Variants in EMP2 observed in about 807,000 individuals in gnomAD.
EMP2 encodes epithelial membrane protein 2.
EMP2 carries 19 observed loss-of-function variants against 13.7 expected under a neutral mutation model. That is an observed-to-expected ratio of 1.38 (90% confidence interval 0.97 to 2.03). The LOEUF is 2.03. EMP2 is among the 30% of genes most tolerant of loss of function. The pLI is 0.00. For missense variants in EMP2, 253 were observed against 220.7 expected (o/e 1.15, Z -0.93); for synonymous variants, 97 against 84.7 (o/e 1.15, Z -0.80).
chr16:10,541,501 C>T (rs1182271073), intron 3 of EMP2, among the ~76,000 whole-genome samples: 5 of 152,116 alleles, frequency 3.3e-5, no homozygotes, highest in African/African-American at 1.2e-4. Flanking sequence ...ATTTGGCCAG[C>T]GGTTCGCCAA....
intron 3 of EMP2, among the ~76,000 whole-genome samples, chr16:10,539,114 G>A (rs2050674189): frequency 6.6e-6 from 1 of 152,180 alleles, no homozygotes; most frequent in Non-Finnish European, 1.5e-5. Context: ...GGTTTGGAGG[G>A]TGCAGGCAAG....
chr16:10,568,029 C>T (rs1331973245), intron 1 of EMP2, among the ~76,000 whole-genome samples: 2 of 152,154 alleles, frequency 1.3e-5, no homozygotes, highest in Non-Finnish European at 2.9e-5. Flanking sequence ...TCAGGAAGCC[C>T]AGAGCTATAG....
At chr16:10,574,356 G>C (rs1448317905) in intron 1 of EMP2, among the ~76,000 whole-genome samples, 1 of 151,842 alleles carries the variant, frequency 6.6e-6, no homozygotes, top group Non-Finnish European at 1.5e-5. Context: ...TTCCAATAAT[G>C]CTCCGTGAGC....
chr16:10,538,713 G>C (rs2050670125), intron 3 of EMP2, among the ~76,000 whole-genome samples: 1 of 152,186 alleles, frequency 6.6e-6, no homozygotes, highest in African/African-American at 2.4e-5. Context: ...CATGGGGGCA[G>C]GTCACAGTGA....
intron 3 of EMP2, among the ~76,000 whole-genome samples, chr16:10,539,799 G>A (rs1334519298): frequency 5.3e-5 from 8 of 152,122 alleles, no homozygotes; most frequent in Non-Finnish European, 8.8e-5. Flanking sequence ...GAGCGGGCAC[G>A]AGGGCTTCGT....
chr16:10,545,386 C>G (rs2050731871), intron 2 of EMP2: 1 of 152,266 alleles, frequency 6.6e-6, no homozygotes. Flanking sequence ...CTGTTAGGAA[C>G]CAGGCCACGC....
rs1194318809 is a variant in EMP2, at chr16:10,547,734, AT to A, written c.-60-58del. 3.9e-6 allele frequency: 4 copies of A among 1,026,324 alleles called. No individual in the cohort carries two copies. The African/African-American group carries it at 6.5e-5, about 17-fold the overall frequency. 63.6% of individuals were successfully genotyped at this position (1,026,324 alleles called of 1,614,324 possible). The stretch of plus-strand genomic sequence containing the variant: ...CTGTCAATGACAAAACAAAATTACA[AT>A]AAAAAATAAACACCTTTTAGCTGGG... On this transcript the variant is annotated intron_variant, in intron 1 of 4. Coordinates refer to ENST00000359543, the MANE Select transcript of EMP2 (RefSeq NM_001424.6).
At chr16:10,551,672 G>T (rs2050789322) in intron 1 of EMP2, among the ~76,000 whole-genome samples, 1 of 152,202 alleles carries the variant, frequency 6.6e-6, no homozygotes, top group Non-Finnish European at 1.5e-5. Flanking sequence ...CTCCCGAAGT[G>T]CTGGGATTAC....
intron 1 of EMP2, among the ~76,000 whole-genome samples, chr16:10,550,390 T>A (rs2050777851): frequency 6.6e-6 from 1 of 152,246 alleles, no homozygotes; most frequent in Non-Finnish European, 1.5e-5. Flanking sequence ...TCCCCTTTAA[T>A]CTGGAATACT....
At chr16:10,543,508 C>G (rs1021603271) in intron 3 of EMP2, 62 bp downstream of exon 3, 38 of 1,579,080 alleles carry the variant, frequency 2.4e-5, no homozygotes, top group Non-Finnish European at 1.7e-6. Flanking sequence ...CCCGAAGCCT[C>G]ACTCCTGACC....
At chr16:10,554,251 C>A (rs972809936) in intron 1 of EMP2, among the ~76,000 whole-genome samples, 5 of 152,144 alleles carry the variant, frequency 3.3e-5, no homozygotes, top group African/African-American at 1.2e-4. Flanking sequence ...AGGCTGGTCT[C>A]GACCTCCTAA....
chr16:10,555,314 T>C (rs1187026364), intron 1 of EMP2, among the ~76,000 whole-genome samples: 2 of 152,212 alleles, frequency 1.3e-5, no homozygotes, highest in Non-Finnish European at 2.9e-5. Flanking sequence ...ACTGCTTTTT[T>C]CCTTCTTCAA....
At chr16:10,543,260 A>G (rs921767286) in intron 3 of EMP2, among the ~76,000 whole-genome samples, 1 of 152,272 alleles carries the variant, frequency 6.6e-6, no homozygotes, top group Non-Finnish European at 1.5e-5. Flanking sequence ...AGAAAATTCT[A>G]GATGAGAGCT....
chr16:10,552,460 A>T (rs1242137169), intron 1 of EMP2, among the ~76,000 whole-genome samples: 2 of 152,222 alleles, frequency 1.3e-5, no homozygotes, highest in African/African-American at 2.4e-5. Flanking sequence ...ATGGTGAAAA[A>T]GTTCCCATTC....
chr16:10,576,923 C>G (rs2050987851), intron 1 of EMP2: 1 of 152,382 alleles, frequency 6.6e-6, no homozygotes, highest in African/African-American at 2.4e-5. Context: ...CGGGAGCGAC[C>G]CAGTGCTCAG....
chr16:10,575,237 C>CTTTTTTTTTTTTTTTTTTTTTT lies in EMP2; in HGVS notation c.-61+5290_-61+5311dup, dbSNP rs761837614. On this transcript the variant is annotated intron_variant, in intron 1 of 4. Transcript: ENST00000359543. Reference sequence around the variant, plus strand: ...TGGCCTTGGTCCTGGAGCTTGCATTCTTTTTTTTTTTTTTTTTTTTTTTTT... The same window carrying CTTTTTTTTTTTTTTTTTTTTTT: ...TGGCCTTGGTCCTGGAGCTTGCATTCTTTTTTTTTTTTTTTTTTTTTTTTTTTTTTTTTTTTTTTTTTTTTTT... Among the ~76,000 whole-genome samples the CTTTTTTTTTTTTTTTTTTTTTT allele has an allele frequency of 8.4e-4, 44 of 52,484 alleles. 7 individuals are homozygous for CTTTTTTTTTTTTTTTTTTTTTT. Among genetic ancestry groups the CTTTTTTTTTTTTTTTTTTTTTT allele is most frequent in the East Asian group, 2.1e-3 (3 of 1,456 alleles). 34.4% of individuals were successfully genotyped at this position (52,484 alleles called of 152,430 possible).
intron 1 of EMP2, among the ~76,000 whole-genome samples, chr16:10,549,883 C>CTTTTTTTTTTT (rs59259895): frequency 1.8e-5 from 2 of 112,272 alleles, no homozygotes; most frequent in African/African-American, 4.0e-5. Flanking sequence ...TTTTCTTTTT[C>CTTTTTTTTTTT]TTTTTTTTTT....
At chr16:10,571,799 A>G (rs1325015117) in intron 1 of EMP2, among the ~76,000 whole-genome samples, 10 of 152,218 alleles carry the variant, frequency 6.6e-5, no homozygotes, top group African/African-American at 2.4e-4. Flanking sequence ...GAAGGACTGA[A>G]GGTTTGCATG....
chr16:10,532,982 A>G lies in EMP2; in HGVS notation c.427T>C (p.Tyr143His), dbSNP rs61731467. 3.7e-5 allele frequency: 59 copies of G among 1,612,048 alleles called. No individual in the cohort carries two copies. In the African/African-American group the frequency reaches 7.7e-4, roughly 21 times the overall value. ...VTREGSYGYS[Y>H]ILAWVAFACT... Reference sequence around the variant, plus strand: ...GCGAAGGCCACCCACGCCAGGATGTAGGAGTAGCCGTAGCTGCCTTCTCTG... The same window carrying G: ...GCGAAGGCCACCCACGCCAGGATGTGGGAGTAGCCGTAGCTGCCTTCTCTG... The change falls in exon 5 of 5, where the codon TAC becomes CAC. Residue 143 changes from tyrosine to histidine, a missense_variant. Tyr to His is a moderately conservative substitution (Grantham distance 83, BLOSUM62 2). Coordinates refer to ENST00000359543, the MANE Select transcript of EMP2 (RefSeq NM_001424.6).
Sources: gnomAD v4.1 joint callset for allele counts (sites outside exome capture counted in the v4.1 genomes callset) on GRCh38, gnomAD v4.1.1 for gene constraint, MANE v1.5 for transcripts, NCBI Gene and HGNC (gene_info 2026-07-23, HGNC 2026-07-21) for gene names.